Variants in AFAP1 observed in about 807,000 individuals in gnomAD.
AFAP1 encodes actin filament associated protein 1, also known as actin filament-associated protein 1.
Under a neutral mutation model 93.9 loss-of-function variants are expected in AFAP1, and 75 were observed. That is an observed-to-expected ratio of 0.80 (90% CI 0.66 to 0.97). The LOEUF (loss-of-function observed/expected upper bound fraction) is 0.97, where lower values mean the gene tolerates loss of function less well. Ranked by LOEUF, AFAP1 falls within the 50% of genes least tolerant of loss-of-function variation. The pLI is 0.00. For synonymous variants in AFAP1, 517 were observed against 430.7 expected (o/e 1.20, Z -2.48); for missense variants, 1,201 against 1,050.8 (o/e 1.14, Z -1.98).
At chr4:7,851,468 C>T (rs1367926020) in intron 4 of AFAP1, among the ~76,000 whole-genome samples, 2 of 152,158 alleles carry the variant, frequency 1.3e-5, no homozygotes. Flanking sequence ...AAACAGGTAA[C>T]AAACAACTGG....
intron 1 of AFAP1, among the ~76,000 whole-genome samples, chr4:7,877,731 C>T (rs928661450): frequency 6.6e-6 from 1 of 152,136 alleles, no homozygotes; most frequent in Non-Finnish European, 1.5e-5. Flanking sequence ...AGAGATAACC[C>T]TAGTCTGATG....
chr4:7,794,182 G>A (rs1422832343), intron 10 of AFAP1, among the ~76,000 whole-genome samples: 2 of 152,194 alleles, frequency 1.3e-5, no homozygotes, highest in African/African-American at 4.8e-5. Flanking sequence ...CTGACCATGA[G>A]AAGGGGCACG....
chr4:7,848,036 G>A (rs929385508), intron 4 of AFAP1, among the ~76,000 whole-genome samples: 4 of 151,180 alleles, frequency 2.6e-5, no homozygotes, highest in Admixed American at 6.6e-5. Flanking sequence ...CAGATGGATC[G>A]ATGTATGGAT....
At chr4:7,805,764 CCT>C (rs1219841588) in intron 9 of AFAP1, among the ~76,000 whole-genome samples, 13 of 152,192 alleles carry the variant, frequency 8.5e-5, no homozygotes, top group Admixed American at 5.9e-4. Context: ...CCAATGAGCC[CCT>C]GTTCTTACGC....
At chr4:7,869,629 T>C (rs745551782) in intron 2 of AFAP1, among the ~76,000 whole-genome samples, 9 of 152,236 alleles carry the variant, frequency 5.9e-5, no homozygotes, top group Admixed American at 1.3e-4. Flanking sequence ...AAGTTTTAAT[T>C]TGGGCACAGT....
chr4:7,893,746 G>A lies in AFAP1; in HGVS notation c.-2-21666C>T, dbSNP rs776320010. 3.2e-4 allele frequency among the ~76,000 whole-genome samples: 48 copies of A among 152,154 alleles called. 1 individual carries two copies. Among genetic ancestry groups the A allele is most frequent in the Non-Finnish European group, 6.6e-4 (45 of 67,998 alleles). On this transcript the variant is annotated intron_variant, in intron 1 of 17. Coordinates refer to ENST00000420658, the MANE Select transcript of AFAP1 (RefSeq NM_001134647.2). Reference sequence around the variant, plus strand: ...AGATTCTGACTCACTCTTCTGGGACGGGCCTGATATCTGCATTCTAACATG... The same window carrying A: ...AGATTCTGACTCACTCTTCTGGGACAGGCCTGATATCTGCATTCTAACATG...
At chr4:7,874,354 T>C (rs1197987138) in intron 1 of AFAP1, among the ~76,000 whole-genome samples, 1 of 121,278 alleles carries the variant, frequency 8.2e-6, no homozygotes, top group South Asian at 2.5e-4. Flanking sequence ...GATTGCCTTT[T>C]TCTTTTTTTT....
intron 4 of AFAP1, among the ~76,000 whole-genome samples, chr4:7,850,684 G>T (rs140925135): frequency 0.013 from 1,939 of 152,366 alleles, 18 homozygotes; most frequent in Non-Finnish European, 0.02. Context: ...GCTGTGGCAT[G>T]TTGCGCACCC....
rs536538942 is a variant in AFAP1, at chr4:7,892,513, C to T, written c.-2-20433G>A. On this transcript the variant is annotated intron_variant, in intron 1 of 17. Transcript: ENST00000420658. ...AATCATTGGACCTGCATGCTGCCAG[C>T]TGTGAGATGCCACATGTCCAGCAAC... 4.9e-4 allele frequency among the ~76,000 whole-genome samples: 74 copies of T among 152,330 alleles called. 1 individual carries two copies. Among genetic ancestry groups the T allele is most frequent in the African/African-American group, 1.7e-3 (72 of 41,574 alleles).
At chr4:7,819,261 G>T in intron 6 of AFAP1, 90 bp from the exon 7 acceptor site, 2 of 1,183,122 alleles carry the variant, frequency 1.7e-6, no homozygotes, top group Non-Finnish European at 2.3e-6. Flanking sequence ...GAGGCACATG[G>T]CGTGGTAGGG....
chr4:7,823,894 G>T (rs952878670), intron 6 of AFAP1, among the ~76,000 whole-genome samples: 1 of 152,176 alleles, frequency 6.6e-6, no homozygotes, highest in African/African-American at 2.4e-5. Flanking sequence ...TCCCAGCTTC[G>T]TGGGACTCTC....
At chr4:7,832,014 T>C (rs569492406) in intron 6 of AFAP1, among the ~76,000 whole-genome samples, 2 of 152,262 alleles carry the variant, frequency 1.3e-5, no homozygotes, top group South Asian at 2.1e-4. Context: ...TTGATCGCTA[T>C]GGATCATGGT....
At chr4:7,861,486 G>A (rs1277695733) in intron 3 of AFAP1, among the ~76,000 whole-genome samples, 1 of 152,230 alleles carries the variant, frequency 6.6e-6, no homozygotes, top group Non-Finnish European at 1.5e-5. Flanking sequence ...CCATTCCATT[G>A]TGATCACTGT....
intron 1 of AFAP1, among the ~76,000 whole-genome samples, chr4:7,892,152 G>C (rs1018087840): frequency 6.6e-6 from 1 of 152,230 alleles, no homozygotes; most frequent in Non-Finnish European, 1.5e-5. Context: ...AGGAAGGTCA[G>C]GAGCAAATTT....
chr4:7,897,646 C>A (rs1183592666), intron 1 of AFAP1, among the ~76,000 whole-genome samples: 1 of 152,148 alleles, frequency 6.6e-6, no homozygotes, highest in Admixed American at 6.5e-5. Context: ...GCCTCAGCCT[C>A]CAGAGCAGCT....
At chr4:7,869,698 G>A (rs540587113) in intron 2 of AFAP1, among the ~76,000 whole-genome samples, 6 of 152,220 alleles carry the variant, frequency 3.9e-5, no homozygotes, top group East Asian at 1.9e-4. Flanking sequence ...ACTTAACAAC[G>A]ATCACCTATA....
chr4:7,900,132 T>C (rs1456352962), intron 1 of AFAP1, among the ~76,000 whole-genome samples: 2 of 152,172 alleles, frequency 1.3e-5, no homozygotes, highest in African/African-American at 4.8e-5. Context: ...TCCTGACTTA[T>C]TAGAGCCTGC....
At chr4:7,873,277 G>C (rs1324704521) in intron 1 of AFAP1, among the ~76,000 whole-genome samples, 1 of 145,542 alleles carries the variant, frequency 6.9e-6, no homozygotes, top group Non-Finnish European at 1.5e-5. Flanking sequence ...CTTTCACTTA[G>C]GAGTGTCTTT....
intron 5 of AFAP1, 137 bp downstream of exon 5, chr4:7,843,002 G>T: frequency 2.1e-6 from 2 of 951,044 alleles, no homozygotes; most frequent in African/African-American, 1.6e-5. Context: ...TGGTACTGCG[G>T]CTAGCTCAGG....
Sources: allele counts gnomAD v4.1 joint callset (sites outside exome capture counted in the v4.1 genomes callset), GRCh38; gene constraint gnomAD v4.1.1; transcripts MANE v1.5; gene names NCBI Gene and HGNC (gene_info 2026-07-23, HGNC 2026-07-21).